The following ABCA10 variants were observed in gnomAD, a reference collection of about 807,000 sequenced individuals.
ABCA10 encodes ATP binding cassette subfamily A member 10, also known as ATP-binding cassette sub-family A member 10.
A neutral mutation model predicts 187.5 loss-of-function variants in ABCA10; 169 were observed. That is an observed-to-expected ratio of 0.90 (90% CI 0.80 to 1.02). The LOEUF (loss-of-function observed/expected upper bound fraction) is 1.02. ABCA10 is among the 50% of genes least tolerant of loss of function. ABCA10 has a pLI of 0.00. For missense variants in ABCA10, 1,727 were observed against 1,812.4 expected, an observed-to-expected ratio of 0.95 and a Z score of 0.86; for synonymous variants, 574 against 601.8, an observed-to-expected ratio of 0.95 and a Z score of 0.68.
At chr17:69,212,364 T>C (rs371065595) in intron 9 of ABCA10, among the ~76,000 whole-genome samples, 9 of 152,300 alleles carry the variant, frequency 5.9e-5, no homozygotes, top group South Asian at 2.1e-4. Flanking sequence ...TGTTGATTTA[T>C]TGAGACTTGT....
chr17:69,166,821 T>C (rs1223979121), intron 25 of ABCA10, among the ~76,000 whole-genome samples: 2 of 152,178 alleles, frequency 1.3e-5, no homozygotes, highest in Admixed American at 6.5e-5. Flanking sequence ...TTAATACAGA[T>C]GGAAGTGCCC....
At chr17:69,163,101 C>T (rs577474745) in intron 27 of ABCA10, among the ~76,000 whole-genome samples, 19 of 152,116 alleles carry the variant, frequency 1.2e-4, no homozygotes, top group Admixed American at 1.0e-3. Flanking sequence ...CTTCCCAAAG[C>T]GCTGGGATTA....
chr17:69,150,672 A>G (rs2144749342), intron 36 of ABCA10, among the ~76,000 whole-genome samples: 1 of 152,292 alleles, frequency 6.6e-6, no homozygotes, highest in Non-Finnish European at 1.5e-5. Context: ...CTAGGCCTGC[A>G]CTGCTTAATA....
At chr17:69,217,244 T>A (rs2074713152) in intron 6 of ABCA10, among the ~76,000 whole-genome samples, 1 of 146,662 alleles carries the variant, frequency 6.8e-6, no homozygotes, top group South Asian at 2.2e-4. Flanking sequence ...CGAAACTCCA[T>A]CTCAAAAAAA....
At chr17:69,241,685 T>C (rs573914419) in intron 1 of ABCA10, among the ~76,000 whole-genome samples, 5 of 152,324 alleles carry the variant, frequency 3.3e-5, no homozygotes, top group African/African-American at 9.6e-5. Context: ...TGTGCTTTCA[T>C]CTGCAGCACC....
chr17:69,201,193 T>C (rs2144816449), intron 10 of ABCA10, among the ~76,000 whole-genome samples: 1 of 152,292 alleles, frequency 6.6e-6, no homozygotes, highest in Middle Eastern at 3.4e-3. Flanking sequence ...ATACTGCATA[T>C]GTATACATAT....
rs1159497158 is a variant in ABCA10 at position 69,164,225 on chromosome 17, C to A, written c.3283-71G>T. 2.5e-6 allele frequency: 3 copies of A among 1,217,416 alleles called. No homozygotes were observed. The African/African-American group carries it at 4.7e-5, about 19-fold the overall frequency. The allele number at this position is 1,217,416 out of a possible 1,614,324, so 75.4% of individuals were successfully genotyped here. A position where few individuals can be genotyped will look rare whatever the true frequency, so the allele number is the denominator to read the frequency against. On this transcript the variant is annotated intron_variant, in intron 26 of 38. Transcript: ENST00000690296. Reference sequence around the variant, plus strand: ...TATAAAATTTACACATTAAATACACCCACATTATACTTGATGTTCTATGGG... The same window carrying A: ...TATAAAATTTACACATTAAATACACACACATTATACTTGATGTTCTATGGG...
At chr17:69,163,989 T>G in intron 27 of ABCA10, 85 bp downstream of exon 27, 1 of 1,070,138 alleles carries the variant, frequency 9.3e-7, no homozygotes, top group Non-Finnish European at 1.3e-6. Flanking sequence ...TTTTAAGACA[T>G]TTAAATTTGG....
intron 25 of ABCA10, among the ~76,000 whole-genome samples, chr17:69,170,440 A>C (rs2074289961): frequency 8.2e-6 from 1 of 121,958 alleles, no homozygotes; most frequent in African/African-American, 3.3e-5. Context: ...TACTCATCAA[A>C]AAAAAAAAAA....
At chr17:69,197,001 G>A (rs556443756) in intron 11 of ABCA10, 63 bp downstream of exon 11, 66 of 897,466 alleles carry the variant, frequency 7.4e-5, no homozygotes, top group Non-Finnish European at 9.1e-5. Flanking sequence ...GAGGGAGACC[G>A]TGGACAGAGG....
chr17:69,181,681 A>G (rs893939513), intron 22 of ABCA10, among the ~76,000 whole-genome samples: 3 of 151,982 alleles, frequency 2.0e-5, no homozygotes, highest in African/African-American at 7.2e-5. Flanking sequence ...TAGACTAAAC[A>G]TAACAGTACT....
At chr17:69,200,186 T>G (rs1476142571) in intron 10 of ABCA10, among the ~76,000 whole-genome samples, 1 of 152,252 alleles carries the variant, frequency 6.6e-6, no homozygotes, top group Non-Finnish European at 1.5e-5. Flanking sequence ...TCCTAACAGC[T>G]AATATTTATT....
chr17:69,197,229 C>T, intron 10 of ABCA10, 107 bp from the exon 11 acceptor site: 3 of 851,250 alleles, frequency 3.5e-6, no homozygotes, highest in Non-Finnish European at 5.5e-6. Context: ...GTATCACTCT[C>T]AGTGGGATGT....
chr17:69,193,308 C>A, intron 14 of ABCA10, 60 bp from the exon 15 acceptor site: 1 of 1,580,824 alleles, frequency 6.3e-7, no homozygotes, highest in Non-Finnish European at 8.6e-7. Flanking sequence ...CTTCAGAAAG[C>A]ACCATGAAAA....
intron 27 of ABCA10, among the ~76,000 whole-genome samples, chr17:69,160,566 C>T (rs1193341274): frequency 1.3e-5 from 2 of 152,116 alleles, no homozygotes. Context: ...GAGATTGCAC[C>T]ACTGCACTCC....
chr17:69,234,933 A>G (rs2074856957), intron 1 of ABCA10: 1 of 152,140 alleles, frequency 6.6e-6, no homozygotes, highest in Non-Finnish European at 1.5e-5. Flanking sequence ...GCTCATCTTG[A>G]TGCTTTCTCC....
chr17:69,211,334 T>TACACATC, intron 9 of ABCA10, among the ~76,000 whole-genome samples: 3 of 132,726 alleles, frequency 2.3e-5, no homozygotes, highest in African/African-American at 9.1e-5. Flanking sequence ...TATATATATA[T>TACACATC]ATATATATAT....
chr17:69,187,035 A>T (rs958358615), intron 19 of ABCA10, among the ~76,000 whole-genome samples: 1 of 152,152 alleles, frequency 6.6e-6, no homozygotes, highest in Admixed American at 6.6e-5. Context: ...ACTGTGCCCC[A>T]AAGAGTTAAA....
chr17:69,190,628 T>C, intron 17 of ABCA10, 151 bp from the exon 18 acceptor site: 1 of 702,088 alleles, frequency 1.4e-6, no homozygotes, highest in African/African-American at 1.9e-5. Flanking sequence ...TTCTGTAAGA[T>C]ATTCTCTTGT....
Sources: gnomAD v4.1 joint callset for allele counts (sites outside exome capture counted in the v4.1 genomes callset) on GRCh38, gnomAD v4.1.1 for gene constraint, MANE v1.5 for transcripts, NCBI Gene and HGNC (gene_info 2026-07-23, HGNC 2026-07-21) for gene names.